The following FSTL4 variants were observed in gnomAD, a reference collection of about 807,000 sequenced individuals.
The protein encoded by FSTL4 is follistatin like 4.
A neutral mutation model predicts 78.2 loss-of-function variants in FSTL4; 28 were observed. That is an observed-to-expected ratio of 0.36 (90% CI 0.27 to 0.49). The LOEUF (loss-of-function observed/expected upper bound fraction) is 0.49. Ranked by LOEUF, FSTL4 falls within the 20% of genes least tolerant of loss-of-function variation. The pLI, the probability that FSTL4 is intolerant of heterozygous loss-of-function variation, is 0.98. For synonymous variants in FSTL4, 422 were observed against 440.5 expected, an observed-to-expected ratio of 0.96 and a Z score of 0.53; for missense variants, 922 against 1,084.9, an observed-to-expected ratio of 0.85 and a Z score of 2.11.
At chr5:133,705,187 G>A in the FSTL4 span, among the ~76,000 whole-genome samples, 1 of 152,248 alleles carries the variant, frequency 6.6e-6, no homozygotes, top group East Asian at 1.9e-4. Context: ...AGCCTCCCAA[G>A]TAGCTGGGAT....
rs935504776 is a variant in FSTL4, at chr5:133,544,028, G to A, written c.160+23158C>T. 8.6e-5 allele frequency among the ~76,000 whole-genome samples: 13 copies of A among 151,992 alleles called. No homozygotes were observed. In the East Asian group the frequency reaches 2.3e-3, roughly 27 times the overall value. On this transcript the variant is annotated intron_variant, in intron 3 of 15. Transcript: ENST00000265342. The stretch of plus-strand genomic sequence containing the variant: ...TTTTCTCAACTATACAAGGATTTCA[G>A]TACAAAAATTTGAAGTTGTCCTTTT...
chr5:133,222,845 G>GT (rs1207272832), intron 11 of FSTL4, among the ~76,000 whole-genome samples: 1 of 152,212 alleles, frequency 6.6e-6, no homozygotes, highest in African/African-American at 2.4e-5. Flanking sequence ...TGTGTCCCCT[G>GT]AGGCCTACTG....
intron 4 of FSTL4, among the ~76,000 whole-genome samples, chr5:133,354,003 C>G (rs1186193079): frequency 1.3e-5 from 2 of 152,196 alleles, no homozygotes; most frequent in African/African-American, 4.8e-5. Context: ...AAAACAGGCC[C>G]CTGCAGCTAT....
intron 3 of FSTL4, among the ~76,000 whole-genome samples, chr5:133,499,617 C>T (rs1758447383): frequency 1.3e-5 from 2 of 152,170 alleles, no homozygotes; most frequent in Admixed American, 1.3e-4. Context: ...ATATTTGCTT[C>T]AGTGAAGCAC....
intron 4 of FSTL4, among the ~76,000 whole-genome samples, chr5:133,376,583 T>C (rs1755441359): frequency 6.6e-6 from 1 of 152,160 alleles, no homozygotes; most frequent in African/African-American, 2.4e-5. Context: ...GGTTAAAGTA[T>C]CTGGAAATTT....
Position 133,364,486 on chromosome 5 carries a change from G to A in FSTL4, c.409+36252C>T, listed in dbSNP as rs569938705. On this transcript the variant is annotated intron_variant, in intron 4 of 15. Transcript: ENST00000265342. ...TACACCTGCTGAGCCCTGATTCAAG[G>A]TCCTATGATGAAGACTCCCTGCTCC... Among the ~76,000 whole-genome samples, 34 of 152,318 alleles carry A rather than the reference G, an allele frequency of 2.2e-4. 1 individual carries two copies. In the South Asian group the frequency reaches 6.6e-3, roughly 30 times the overall value.
chr5:133,656,867 A>G, the FSTL4 span, among the ~76,000 whole-genome samples: 1 of 152,210 alleles, frequency 6.6e-6, no homozygotes, highest in Non-Finnish European at 1.5e-5. Flanking sequence ...GAGACTGACA[A>G]TAGTCTAGGT....
At chr5:133,348,625 C>A (rs965595527) in intron 4 of FSTL4, among the ~76,000 whole-genome samples, 3 of 152,132 alleles carry the variant, frequency 2.0e-5, no homozygotes, top group Admixed American at 6.5e-5. Context: ...GGTGACTGGG[C>A]GGGAGTGGGC....
At chr5:133,202,314 A>G (rs554479037) in intron 14 of FSTL4, 8 of 243,452 alleles carry the variant, frequency 3.3e-5, no homozygotes, top group Middle Eastern at 1.2e-3. Flanking sequence ...GCCTTGCTGC[A>G]CTTTGTCAGC....
the FSTL4 span, among the ~76,000 whole-genome samples, chr5:133,646,287 A>G: frequency 6.6e-6 from 1 of 152,166 alleles, no homozygotes; most frequent in African/African-American, 2.4e-5. Context: ...TGTCAAGGCA[A>G]AGGAGAAAAT....
Position 133,361,558 on chromosome 5 carries a change from C to T in FSTL4, c.409+39180G>A, listed in dbSNP as rs1755071032. On this transcript the variant is annotated intron_variant, in intron 4 of 15. Transcript: ENST00000265342. The surrounding 1 kb of genome is among the most constrained non-coding windows in gnomAD (Gnocchi z 4.3). ...GCATAGGTATCTCTTTCAGAGTCTT[C>T]TGCTCTTGCTTCCAAATGTCCCTTT... Among the ~76,000 whole-genome samples, 2 of 152,202 alleles carry T rather than the reference C, an allele frequency of 1.3e-5. No individual in the cohort carries two copies. Among genetic ancestry groups the T allele is most frequent in the Non-Finnish European group, 2.9e-5 (2 of 68,042 alleles).
At chr5:133,644,827 C>T in the FSTL4 span, among the ~76,000 whole-genome samples, 1 of 152,148 alleles carries the variant, frequency 6.6e-6, no homozygotes, top group African/African-American at 2.4e-5. Flanking sequence ...TTTCCTCTGG[C>T]TCTAGCTGGG....
the FSTL4 span, among the ~76,000 whole-genome samples, chr5:133,630,723 C>T: frequency 2.6e-5 from 4 of 152,182 alleles, no homozygotes; most frequent in Admixed American, 2.0e-4. Flanking sequence ...AGGCATCACG[C>T]TACCTGACTT....
the FSTL4 span, among the ~76,000 whole-genome samples, chr5:133,644,842 G>A: frequency 6.6e-6 from 1 of 152,172 alleles, no homozygotes; most frequent in African/African-American, 2.4e-5. Context: ...GCTGGGTTCT[G>A]CCAACTGCTT....
At chr5:133,481,398 T>C (rs1292862885) in intron 3 of FSTL4, among the ~76,000 whole-genome samples, 1 of 151,678 alleles carries the variant, frequency 6.6e-6, no homozygotes, top group Non-Finnish European at 1.5e-5. Flanking sequence ...AAAAATTAGG[T>C]GGGCATGGTG....
At chr5:133,576,043 C>T (rs1301345814) in intron 2 of FSTL4, among the ~76,000 whole-genome samples, 1 of 152,164 alleles carries the variant, frequency 6.6e-6, no homozygotes, top group Non-Finnish European at 1.5e-5. Flanking sequence ...TAAAAAATTA[C>T]CATTCTATAA....
At chr5:133,822,996 G>T in the FSTL4 span, among the ~76,000 whole-genome samples, 1 of 152,286 alleles carries the variant, frequency 6.6e-6, no homozygotes, top group South Asian at 2.1e-4. Flanking sequence ...GGGGCAGGAG[G>T]TGGGGTTGGG....
chr5:133,339,038 C>T (rs906709946), intron 4 of FSTL4, among the ~76,000 whole-genome samples: 3 of 152,296 alleles, frequency 2.0e-5, no homozygotes, highest in Admixed American at 6.5e-5. Flanking sequence ...CCAGGCAGCG[C>T]CCTCCCTGAC....
At chr5:133,741,162 C>T in the FSTL4 span, among the ~76,000 whole-genome samples, 3 of 152,160 alleles carry the variant, frequency 2.0e-5, no homozygotes, top group Non-Finnish European at 4.4e-5. Context: ...ACGCCTATGC[C>T]GATGACACAA....
Sources: gnomAD v4.1 joint callset for allele counts (sites outside exome capture counted in the v4.1 genomes callset) on GRCh38, gnomAD v4.1.1 for gene constraint, Gnocchi (gnomAD v3.1) non-coding constraint, MANE v1.5 for transcripts, NCBI Gene and HGNC (gene_info 2026-07-23, HGNC 2026-07-21) for gene names.